TNRC6B: variants seen among roughly 807,000 people sequenced by gnomAD.
TNRC6B encodes trinucleotide repeat containing adaptor 6B.
TNRC6B carries 52 observed loss-of-function variants against 203.6 expected under a neutral mutation model. The ratio of observed to expected loss-of-function variants is 0.26; its 90% confidence interval spans 0.20 to 0.32. TNRC6B has a LOEUF of 0.32. TNRC6B is among the 10% of genes least tolerant of loss of function. The pLI, the probability that TNRC6B is intolerant of heterozygous loss-of-function variation, is 1.00. For synonymous variants in TNRC6B, 838 were observed against 845.7 expected, an observed-to-expected ratio of 0.99 and a Z score of 0.16; for missense variants, 1,923 against 2,286.2, an observed-to-expected ratio of 0.84 and a Z score of 3.24.
chr22:40,224,088 C>T (rs553821772), intron 1 of TNRC6B, among the ~76,000 whole-genome samples: 3 of 152,204 alleles, frequency 2.0e-5, no homozygotes, highest in Admixed American at 2.0e-4. Context: ...CTTACTGCAG[C>T]CTCCACCTCC....
chr22:40,310,732 CTGTT>C (rs2071165784), intron 16 of TNRC6B, 81 bp from the exon 17 acceptor site: 2 of 1,356,120 alleles, frequency 1.5e-6, no homozygotes, highest in Non-Finnish European at 2.0e-6. Context: ...CTTCAGAAGA[CTGTT>C]TGCATTCCAG....
intron 1 of TNRC6B, among the ~76,000 whole-genome samples, chr22:40,116,401 T>A (rs1379045548): frequency 6.6e-6 from 1 of 152,238 alleles, no homozygotes; most frequent in Non-Finnish European, 1.5e-5. Flanking sequence ...TATATCTCTG[T>A]ATTCAAATAC....
chr22:40,103,666 G>A (rs921244523), intron 1 of TNRC6B, among the ~76,000 whole-genome samples: 1 of 151,672 alleles, frequency 6.6e-6, no homozygotes, highest in African/African-American at 2.4e-5. Context: ...CTTTTGAGGT[G>A]GAGTCTCACT....
chr22:40,157,706 T>G (rs559522540), intron 4 of TNRC6B, among the ~76,000 whole-genome samples: 25 of 152,150 alleles, frequency 1.6e-4, no homozygotes, highest in Non-Finnish European at 3.7e-4. Context: ...TTCAGGTGCT[T>G]TTCTCCGTGT....
At chr22:40,248,404 A>C (rs1362549161) in intron 2 of TNRC6B, among the ~76,000 whole-genome samples, 1 of 152,236 alleles carries the variant, frequency 6.6e-6, no homozygotes, top group Non-Finnish European at 1.5e-5. Context: ...GCTGGGTACC[A>C]AGGTACTTGA....
At chr22:40,170,854 T>TA (rs2068983729) in intron 4 of TNRC6B, among the ~76,000 whole-genome samples, 1 of 109,380 alleles carries the variant, frequency 9.1e-6, no homozygotes, top group South Asian at 2.8e-4. Context: ...TATATGTGTG[T>TA]ATATATACAT....
At chr22:40,131,642 T>C (rs974483479) in intron 3 of TNRC6B, among the ~76,000 whole-genome samples, 3 of 152,228 alleles carry the variant, frequency 2.0e-5, no homozygotes, top group Non-Finnish European at 4.4e-5. Context: ...CTATTATTTA[T>C]TCTTTGTTTT....
chr22:40,208,276 A>G (rs969990201), intron 1 of TNRC6B, among the ~76,000 whole-genome samples: 3 of 152,206 alleles, frequency 2.0e-5, no homozygotes, highest in Non-Finnish European at 4.4e-5. Flanking sequence ...TGGACACTCT[A>G]TGAGCCAGCA....
rs1401997407 is a variant in TNRC6B at position 40,156,270 on chromosome 22, A to G, written c.113+88A>G. 4.5e-6 allele frequency: 6 copies of G among 1,336,830 alleles called. No individual in the cohort carries two copies. The Admixed American group carries it at 6.1e-5, about 14-fold the overall frequency. The allele number at this position is 1,336,830 out of a possible 1,614,324, so 82.8% of individuals were successfully genotyped here. ...ATGCTGATAAGCGTGTTTGTCAGAG[A>G]TGTATACGTTGGAGACATTGGGGAA... On this transcript the variant is annotated intron_variant, in intron 4 of 23. Coordinates refer to the TNRC6B transcript ENST00000301923.
intron 12 of TNRC6B, among the ~76,000 whole-genome samples, chr22:40,294,710 T>A (rs950728358): frequency 1.1e-4 from 16 of 152,358 alleles, no homozygotes; most frequent in South Asian, 2.1e-4. Context: ...AATATATCTA[T>A]ACTCACCCTC....
At chr22:40,173,244 G>C (rs934616651), upstream of TNRC6B, among the ~76,000 whole-genome samples, 4 of 151,816 alleles carry the variant, frequency 2.6e-5, no homozygotes, top group Non-Finnish European at 4.4e-5. Flanking sequence ...CTACAGGTGC[G>C]TGCCACCACG....
At chr22:40,214,871 C>A (rs1386063441) in intron 1 of TNRC6B, among the ~76,000 whole-genome samples, 1 of 152,108 alleles carries the variant, frequency 6.6e-6, no homozygotes, top group Non-Finnish European at 1.5e-5. Flanking sequence ...GTATTTCTTA[C>A]AACTGCATGT....
At chr22:40,070,327 T>C (rs1378734009) in intron 1 of TNRC6B, among the ~76,000 whole-genome samples, 1 of 152,250 alleles carries the variant, frequency 6.6e-6, no homozygotes, top group Non-Finnish European at 1.5e-5. Flanking sequence ...TTTGATTCTT[T>C]TAATGACTTA....
intron 1 of TNRC6B, among the ~76,000 whole-genome samples, chr22:40,115,163 A>G (rs1163602109): frequency 6.6e-6 from 1 of 152,156 alleles, no homozygotes; most frequent in Non-Finnish European, 1.5e-5. Flanking sequence ...ACTGAGTGAC[A>G]TGGTCTCTTT....
chr22:40,068,767 A>G (rs2067919985), intron 1 of TNRC6B, among the ~76,000 whole-genome samples: 1 of 151,236 alleles, frequency 6.6e-6, no homozygotes, highest in South Asian at 2.1e-4. Context: ...TTTTATTTCT[A>G]CAGATGAGGT....
chr22:40,252,121 T>C (rs1423900028), intron 3 of TNRC6B, among the ~76,000 whole-genome samples: 1 of 152,230 alleles, frequency 6.6e-6, no homozygotes, highest in Non-Finnish European at 1.5e-5. Context: ...TTTTGTTCAT[T>C]TCCCCTTCAG....
Position 40,285,782 on chromosome 22 carries a change from T to G in TNRC6B, c.3708+12T>G, listed in dbSNP as rs1415163207. On this transcript the variant is annotated intron_variant, in intron 12 of 22. Coordinates refer to ENST00000454349, the MANE Select transcript of TNRC6B (RefSeq NM_001162501.2). ...TTATTTCCCCCCAGGTAAGCAATTT[T>G]ACGTTCCTGTGATTCAAAATGAAAG... The G allele has an allele frequency of 3.7e-6, 6 of 1,612,414 alleles. No individual in the cohort carries two copies. Among genetic ancestry groups the G allele is most frequent in the Non-Finnish European group, 5.1e-6 (6 of 1,179,422 alleles).
intron 15 of TNRC6B, among the ~76,000 whole-genome samples, chr22:40,307,527 C>T (rs1212331244): frequency 6.6e-6 from 1 of 152,100 alleles, no homozygotes; most frequent in African/African-American, 2.4e-5. Flanking sequence ...GTGTCACACA[C>T]ATTCTGACCC....
chr22:40,293,209 T>TTG (rs2070892893), intron 12 of TNRC6B, among the ~76,000 whole-genome samples: 1 of 146,948 alleles, frequency 6.8e-6, no homozygotes, highest in South Asian at 2.2e-4. Context: ...TTTTTTTTTT[T>TTG]TTTTGAGGCA....
Sources: allele counts gnomAD v4.1 joint callset (sites outside exome capture counted in the v4.1 genomes callset), GRCh38; gene constraint gnomAD v4.1.1; transcripts MANE v1.5; gene names NCBI Gene and HGNC (gene_info 2026-07-23, HGNC 2026-07-21).